The following GSN variants were observed in gnomAD, a reference collection of about 807,000 sequenced individuals.
GSN encodes gelsolin.
A neutral mutation model predicts 85.7 loss-of-function variants in GSN; 56 were observed. That is an observed-to-expected ratio of 0.65 (90% CI 0.53 to 0.82). The LOEUF is 0.82. Ranked by LOEUF, GSN falls within the 40% of genes least tolerant of loss-of-function variation. The pLI, the probability that GSN is intolerant of heterozygous loss-of-function variation, is 0.00. For missense variants in GSN, 857 were observed against 979.8 expected (o/e 0.87, Z 1.67); for synonymous variants, 373 against 399.1 (o/e 0.93, Z 0.78).
At chr9:121,242,149 A>G (rs2054616856) in intron 5 of GSN, among the ~76,000 whole-genome samples, 1 of 152,200 alleles carries the variant, frequency 6.6e-6, no homozygotes, top group Non-Finnish European at 1.5e-5. Flanking sequence ...TGAGAGTTAA[A>G]TGGGATAATA....
chr9:121,320,116 A>G (rs1408222144), intron 10 of GSN, among the ~76,000 whole-genome samples: 1 of 152,168 alleles, frequency 6.6e-6, no homozygotes, highest in Non-Finnish European at 1.5e-5. Flanking sequence ...TCTCACTTGT[A>G]AAGTGGGGTT....
In GSN at chr9:121,303,092, C is replaced by T. The variant is rs569552248; in HGVS notation, c.351+27C>T. The stretch of plus-strand genomic sequence containing the variant: ...TGGGTTGGGCCCCACCTTGCTTGAG[C>T]GGTAGGGACAGATGCACCAGTAACA... On this transcript the variant is annotated intron_variant, in intron 4 of 17. Transcript: ENST00000432226. The T allele has an allele frequency of 5.5e-5, 88 of 1,609,232 alleles. 2 individuals are homozygous for T. The South Asian group carries it at 7.7e-4, about 14-fold the overall frequency.
At position 121,329,349 on chromosome 9, in the gene GSN, A is replaced by G. The variant is rs376886047; in HGVS notation, c.1965+34A>G. The G allele has an allele frequency of 8.0e-7, 1 of 1,251,436 alleles. No homozygotes were observed. Among genetic ancestry groups the G allele is most frequent in the Non-Finnish European group, 1.2e-6 (1 of 848,752 alleles). 77.5% of individuals were successfully genotyped at this position (1,251,436 alleles called of 1,614,324 possible). The stretch of plus-strand genomic sequence containing the variant: ...AGGACAGGTGAAGGCTCTCTGTGCC[A>G]GAGGGAGTGGGAGAAACTAGACTTC... On this transcript the variant is annotated intron_variant, in intron 16 of 17. Coordinates refer to ENST00000432226, the MANE Select transcript of GSN (RefSeq NM_198252.3). This position sits in a 1 kb window ranked among gnomAD's most constrained non-coding sequence, Gnocchi z 4.6.
At position 121,318,915 on chromosome 9, in the gene GSN, C is replaced by A; in HGVS notation, c.1191+35C>A. Reference sequence around the variant, plus strand: ...GGGCGTGGGGTGGGTGTGTCCAGGCCCCTCCCTCACTTTCCCCATGCACTG... The same window carrying A: ...GGGCGTGGGGTGGGTGTGTCCAGGCACCTCCCTCACTTTCCCCATGCACTG... On this transcript the variant is annotated intron_variant, in intron 10 of 17. Transcript: ENST00000432226. The surrounding 1 kb of genome is among the most constrained non-coding windows in gnomAD (Gnocchi z 4.3). 1 of 1,521,376 alleles carries A rather than the reference C, an allele frequency of 6.6e-7. No homozygotes were observed. Among genetic ancestry groups the A allele is most frequent in the Non-Finnish European group, 9.1e-7 (1 of 1,096,594 alleles). The allele number at this position is 1,521,376 out of a possible 1,614,324, so 94.2% of individuals were successfully genotyped here. A position where few individuals can be genotyped will look rare whatever the true frequency, so the allele number is the denominator to read the frequency against.
intron 2 of GSN, among the ~76,000 whole-genome samples, chr9:121,293,409 AT>A (rs34433704): frequency 0.71 from 105,704 of 148,454 alleles, 37,609 homozygotes; most frequent in South Asian, 0.81. Context: ...TTGTCTTTCC[AT>A]TTTTTTTTTT....
At chr9:121,230,691 G>A (rs1366794838) in intron 4 of GSN, among the ~76,000 whole-genome samples, 1 of 152,090 alleles carries the variant, frequency 6.6e-6, no homozygotes, top group Non-Finnish European at 1.5e-5. Context: ...ATAGTTAAAT[G>A]GGTTCATTCA....
At position 121,323,518 on chromosome 9, in the gene GSN, C is replaced by T. The variant is rs761459356; in HGVS notation, c.1326-1036C>T. ...CTGAGTATCTGGGACTACAGGTGTG[C>T]GCCAACACACCCAACTAATTTTTGT... On this transcript the variant is annotated intron_variant, in intron 11 of 17. Coordinates refer to ENST00000432226, the MANE Select transcript of GSN (RefSeq NM_198252.3). Among the ~76,000 whole-genome samples the T allele has an allele frequency of 1.5e-4, 23 of 151,704 alleles. No individual in the cohort carries two copies. Among genetic ancestry groups the T allele is most frequent in the Middle Eastern group, 3.4e-3 (1 of 294 alleles).
intron 2 of GSN, among the ~76,000 whole-genome samples, chr9:121,294,010 G>C (rs1377439840): frequency 6.6e-6 from 1 of 152,224 alleles, no homozygotes; most frequent in Non-Finnish European, 1.5e-5. Context: ...CTTAAATGCA[G>C]GCATTTCTGG....
At chr9:121,204,334 A>G (rs1454637546), upstream of GSN, among the ~76,000 whole-genome samples, 1 of 152,126 alleles carries the variant, frequency 6.6e-6, no homozygotes, top group Non-Finnish European at 1.5e-5. Flanking sequence ...GCCCTATTCC[A>G]TTTCCTCCCT....
In GSN at chr9:121,310,703, G is replaced by A. The variant is rs1211363476; in HGVS notation, c.371G>A (p.Gly124Glu). The A allele has an allele frequency of 1.9e-6, 3 of 1,614,084 alleles. No homozygotes were observed. Among genetic ancestry groups the A allele is most frequent in the East Asian group, 2.2e-5 (1 of 44,900 alleles). Reference protein sequence around the residue: ...LKYKKGGVASGFKHVVPNEVV... With the variant: ...LKYKKGGVASEFKHVVPNEVV... ...CCACAGAAAGGAGGTGTGGCATCAG[G>A]ATTCAAGCACGTGGTACCCAACGAG... The change falls in exon 5 of 18, where the codon GGA becomes GAA. Residue 124 changes from glycine to glutamate, a missense_variant. Gly to Glu is a moderately conservative substitution (Grantham distance 98). Coordinates refer to ENST00000432226, the MANE Select transcript of GSN (RefSeq NM_198252.3).
rs57200652 is a variant in GSN at position 121,224,394 on chromosome 9, C to T, written c.-527-6771C>T. Among the ~76,000 whole-genome samples the T allele has an allele frequency of 2.2e-4, 33 of 152,256 alleles. 1 individual carries two copies. The highest frequency in any genetic ancestry group is 3.9e-4 in the East Asian group (2 of 5,186). ...GATTACAGGCGTGAGCCACCGCGCCCGGTCTATACATTTATTTTTATCACA... is the reference window on the plus strand; with the variant it reads ...GATTACAGGCGTGAGCCACCGCGCCTGGTCTATACATTTATTTTTATCACA... On this transcript the variant is annotated intron_variant, in intron 4 of 24. Coordinates refer to the GSN transcript ENST00000373823.
intron 5 of GSN, 34 bp downstream of exon 5, chr9:121,310,879 T>C (rs1589050063): frequency 2.5e-6 from 4 of 1,608,630 alleles, no homozygotes; most frequent in Non-Finnish European, 2.6e-6. Context: ...CAGGAGCCAC[T>C]GAGGTGCTCC....
chr9:121,299,366 T>C lies in GSN; in HGVS notation c.-9-2597T>C, dbSNP rs1228235467. 1.4e-5 allele frequency: 14 copies of C among 976,762 alleles called. No individual in the cohort carries two copies. The highest frequency in any genetic ancestry group is 1.7e-5 in the Non-Finnish European group (14 of 822,188). 60.5% of individuals were successfully genotyped at this position (976,762 alleles called of 1,614,324 possible). ...CTGAGTTCAAATCCCGGCAGCACCA[T>C]TTACAAGCTGTGTGCAAGTTGCTTC... On this transcript the variant is annotated intron_variant, in intron 2 of 17. Transcript: ENST00000432226. The surrounding 1 kb of genome is among the most constrained non-coding windows in gnomAD (Gnocchi z 4.2).
At chr9:121,307,168 G>A (rs562452167) in intron 4 of GSN, among the ~76,000 whole-genome samples, 21 of 151,992 alleles carry the variant, frequency 1.4e-4, no homozygotes, top group Middle Eastern at 3.4e-3. Flanking sequence ...GCGATGGAAC[G>A]AGACTCTGTC....
At chr9:121,319,045 A>G (rs1428801757) in intron 10 of GSN, among the ~76,000 whole-genome samples, 165 bp downstream of exon 10, 1 of 152,232 alleles carries the variant, frequency 6.6e-6, no homozygotes, top group African/African-American at 2.4e-5. Flanking sequence ...CCTGTGTATC[A>G]GGCCCTGAGC....
At chr9:121,235,812 C>T (rs1431249844) in intron 5 of GSN, among the ~76,000 whole-genome samples, 1 of 152,236 alleles carries the variant, frequency 6.6e-6, no homozygotes, top group African/African-American at 2.4e-5. Flanking sequence ...CTGGCAAAGA[C>T]AGTCTAGGGG....
intron 7 of GSN, among the ~76,000 whole-genome samples, chr9:121,315,634 G>A (rs1321746606): frequency 6.6e-6 from 1 of 152,104 alleles, no homozygotes; most frequent in African/African-American, 2.4e-5. Context: ...GCGTGGTGGC[G>A]GGTGCCTCTA....
chr9:121,231,170 A>G (rs192617649), exon 5 of GSN: 2 of 152,304 alleles, frequency 1.3e-5, no homozygotes, highest in African/African-American at 2.4e-5. Context: ...CATAGGTCAC[A>G]CTGTTTAGAA....
At chr9:121,278,051 CTTT>C in intron 1 of GSN, among the ~76,000 whole-genome samples, 1 of 142,444 alleles carries the variant, frequency 7.0e-6, no homozygotes. Context: ...TTTGCATGTT[CTTT>C]TTTTTTTTTT....
Sources: gnomAD v4.1 joint callset for allele counts (sites outside exome capture counted in the v4.1 genomes callset) on GRCh38, gnomAD v4.1.1 for gene constraint, Gnocchi (gnomAD v3.1) non-coding constraint, MANE v1.5 for transcripts, NCBI Gene and HGNC (gene_info 2026-07-23, HGNC 2026-07-21) for gene names.